The following CNTLN variants were observed in gnomAD, a reference collection of about 807,000 sequenced individuals.
The protein encoded by CNTLN is centlein, centrosomal protein.
CNTLN carries 212 observed loss-of-function variants against 180.0 expected under a neutral mutation model. The observed-to-expected ratio is 1.18, with a 90% CI of 1.05 to 1.32. The LOEUF (loss-of-function observed/expected upper bound fraction) is 1.32. Ranked by LOEUF, CNTLN falls within the 40% of genes most tolerant of loss-of-function variation. CNTLN has a pLI of 0.00. For synonymous variants in CNTLN, 722 were observed against 563.1 expected (o/e 1.28, Z -3.99); for missense variants, 2,095 against 1,610.9 (o/e 1.30, Z -5.14).
At chr9:17,275,305 C>T (rs1170504914) in intron 6 of CNTLN, among the ~76,000 whole-genome samples, 3 of 151,774 alleles carry the variant, frequency 2.0e-5, no homozygotes, top group Non-Finnish European at 4.4e-5. Context: ...TTTATAATTC[C>T]CACCCATTTA....
chr9:17,349,809 G>T (rs1010610546), intron 12 of CNTLN, among the ~76,000 whole-genome samples: 15 of 152,162 alleles, frequency 9.9e-5, no homozygotes, highest in Non-Finnish European at 1.8e-4. Context: ...GCATTCATGT[G>T]TTCATTTATT....
chr9:17,298,472 C>G, intron 7 of CNTLN, 120 bp downstream of exon 7: 85 of 1,335,168 alleles, frequency 6.4e-5, no homozygotes, highest in Non-Finnish European at 8.2e-5. Flanking sequence ...CATGTGTTTC[C>G]TCAAAATTTA....
chr9:17,292,102 T>C (rs1209808471), intron 6 of CNTLN, among the ~76,000 whole-genome samples: 1 of 152,214 alleles, frequency 6.6e-6, no homozygotes, highest in South Asian at 2.1e-4. Flanking sequence ...GAAATCCTTT[T>C]CTTTAAGAAT....
At chr9:17,371,738 C>A (rs568611522) in intron 13 of CNTLN, among the ~76,000 whole-genome samples, 225 of 152,100 alleles carry the variant, frequency 1.5e-3, no homozygotes, top group Admixed American at 4.2e-3. Context: ...TTAAAACATT[C>A]AAAAAACTTG....
chr9:17,274,471 A>ATCTG (rs1828167882), intron 6 of CNTLN, among the ~76,000 whole-genome samples: 1 of 144,838 alleles, frequency 6.9e-6, no homozygotes, highest in Non-Finnish European at 1.5e-5. Context: ...CTATCTATCT[A>ATCTG]TCTATCTATC....
intron 25 of CNTLN, among the ~76,000 whole-genome samples, chr9:17,491,227 T>C (rs1588106649): frequency 6.6e-6 from 1 of 152,036 alleles, no homozygotes; most frequent in East Asian, 1.9e-4. Flanking sequence ...CGGGAATCAT[T>C]AAAAAATATA....
At chr9:17,509,247 C>G in the CNTLN span, among the ~76,000 whole-genome samples, 1 of 152,198 alleles carries the variant, frequency 6.6e-6, no homozygotes, top group Non-Finnish European at 1.5e-5. Context: ...CTTGATATGG[C>G]ACCATTTCCT....
intron 13 of CNTLN, among the ~76,000 whole-genome samples, chr9:17,373,628 A>T (rs571157752): frequency 2.0e-5 from 3 of 152,178 alleles, no homozygotes; most frequent in African/African-American, 7.2e-5. Flanking sequence ...CAGAAAAAAC[A>T]ATCCTAAAAT....
At chr9:17,251,426 T>C (rs1826134267) in intron 5 of CNTLN, among the ~76,000 whole-genome samples, 2 of 151,906 alleles carry the variant, frequency 1.3e-5, no homozygotes, top group Admixed American at 6.6e-5. Context: ...GATCACTTTT[T>C]TTCTTTTTTC....
the CNTLN span, among the ~76,000 whole-genome samples, chr9:17,511,217 T>C: frequency 6.6e-6 from 1 of 152,168 alleles, no homozygotes; most frequent in African/African-American, 2.4e-5. Context: ...GACAGGTTGA[T>C]GGGAATTGGA....
At chr9:17,295,387 C>T (rs1817812185) in intron 6 of CNTLN, among the ~76,000 whole-genome samples, 1 of 152,186 alleles carries the variant, frequency 6.6e-6, no homozygotes, top group Admixed American at 6.5e-5. Context: ...CACACTGGCA[C>T]CTCTCAGTAG....
chr9:17,172,871 A>G (rs1161265939), intron 2 of CNTLN, among the ~76,000 whole-genome samples: 3 of 152,308 alleles, frequency 2.0e-5, no homozygotes, highest in African/African-American at 7.2e-5. Context: ...AACATGATTA[A>G]TATCATATTT....
intron 23 of CNTLN, among the ~76,000 whole-genome samples, chr9:17,483,339 A>G (rs1244252147): frequency 2.0e-5 from 3 of 150,012 alleles, no homozygotes; most frequent in African/African-American, 7.4e-5. Flanking sequence ...GATACTTTTT[A>G]TACATTCTTT....
chr9:17,164,651 T>C (rs139991461), intron 2 of CNTLN, among the ~76,000 whole-genome samples: 29 of 151,156 alleles, frequency 1.9e-4, no homozygotes, highest in Non-Finnish European at 3.8e-4. Context: ...TTCACTATGT[T>C]GGCCAGGCTC....
the CNTLN span, among the ~76,000 whole-genome samples, chr9:17,513,438 G>A: frequency 6.6e-6 from 1 of 152,162 alleles, no homozygotes; most frequent in African/African-American, 2.4e-5. Flanking sequence ...GCTCACGCAT[G>A]TAATCCCAGC....
At chr9:17,151,301 A>G (rs1249248431) in intron 2 of CNTLN, among the ~76,000 whole-genome samples, 1 of 152,130 alleles carries the variant, frequency 6.6e-6, no homozygotes, top group African/African-American at 2.4e-5. Context: ...AATAGCTCTT[A>G]TTATTTTGAA....
In CNTLN at chr9:17,274,725, C is replaced by A. The variant is rs139484633; in HGVS notation, c.983+859C>A. Among the ~76,000 whole-genome samples the A allele has an allele frequency of 1.6e-3, 242 of 151,490 alleles. 1 individual carries two copies. Among genetic ancestry groups the A allele is most frequent in the African/African-American group, 5.6e-3 (233 of 41,546 alleles). On this transcript the variant is annotated intron_variant, in intron 6 of 25. Transcript: ENST00000380647. ...GATACATCACTGCCATTCTGGTACA[C>A]ATTGGGTGGAGTTCTTTGGTAAAAC...
At chr9:17,493,085 G>T (rs1337637019) in intron 25 of CNTLN, among the ~76,000 whole-genome samples, 3 of 151,600 alleles carry the variant, frequency 2.0e-5, no homozygotes, top group Non-Finnish European at 4.4e-5. Flanking sequence ...CGAGGGGAAT[G>T]GGGAGTTACT....
intron 2 of CNTLN, among the ~76,000 whole-genome samples, chr9:17,162,122 C>CT (rs930407750): frequency 9.4e-4 from 140 of 148,656 alleles, no homozygotes; most frequent in African/African-American, 2.6e-3. Flanking sequence ...TTTCTTTTTT[C>CT]TTTTTTTTTT....
Sources: allele counts gnomAD v4.1 joint callset (sites outside exome capture counted in the v4.1 genomes callset), GRCh38; gene constraint gnomAD v4.1.1; transcripts MANE v1.5; gene names NCBI Gene and HGNC (gene_info 2026-07-23, HGNC 2026-07-21).